Variants in NARS2 observed in about 807,000 individuals in gnomAD.
NARS2 encodes the protein asparaginyl-tRNA synthetase 2, mitochondrial.
In NARS2, 60 loss-of-function variants were observed where a neutral mutation model predicts 62.9. The ratio of observed to expected loss-of-function variants is 0.95; its 90% CI spans 0.77 to 1.18. The LOEUF (loss-of-function observed/expected upper bound fraction) is 1.18, where lower values mean the gene tolerates loss of function less well. NARS2 is among the 50% of genes most tolerant of loss of function. The pLI, the probability that NARS2 is intolerant of heterozygous loss-of-function variation, is 0.00. For missense variants in NARS2, 619 were observed against 576.4 expected, an observed-to-expected ratio of 1.07 and a Z score of -0.76; for synonymous variants, 196 against 200.0, an observed-to-expected ratio of 0.98 and a Z score of 0.17.
intron 6 of NARS2, among the ~76,000 whole-genome samples, chr11:78,522,454 T>A (rs1861165891): frequency 6.6e-6 from 1 of 152,226 alleles, no homozygotes; most frequent in African/African-American, 2.4e-5. Flanking sequence ...GATTTCATTA[T>A]GTAATAATTT....
At chr11:78,486,485 T>C (rs1359898869) in intron 7 of NARS2, among the ~76,000 whole-genome samples, 1 of 152,208 alleles carries the variant, frequency 6.6e-6, no homozygotes, top group African/African-American at 2.4e-5. Flanking sequence ...TTCCAGACTA[T>C]GAGTAGCACA....
At chr11:78,454,023 A>G (rs1343661094) in intron 11 of NARS2, among the ~76,000 whole-genome samples, 1 of 152,164 alleles carries the variant, frequency 6.6e-6, no homozygotes, top group South Asian at 2.1e-4. Context: ...GTTTTACCAC[A>G]TTGCTTCCTT....
chr11:78,436,958 C>G, intron 13 of NARS2, 144 bp from the exon 14 acceptor site: 1 of 767,942 alleles, frequency 1.3e-6, no homozygotes, highest in Non-Finnish European at 2.1e-6. Context: ...CCTCCACAGA[C>G]AGACAATGGA....
intron 5 of NARS2, among the ~76,000 whole-genome samples, chr11:78,545,131 TC>T (rs1855810880): frequency 2.6e-5 from 4 of 152,222 alleles, no homozygotes; most frequent in African/African-American, 9.6e-5. Context: ...ATATTACTTT[TC>T]TTTCTTTTTT....
chr11:78,556,603 G>A (rs537547449), intron 5 of NARS2, among the ~76,000 whole-genome samples: 1 of 152,262 alleles, frequency 6.6e-6, no homozygotes, highest in African/African-American at 2.4e-5. Context: ...GCTTTCCTCA[G>A]CCTTTTTCCA....
intron 6 of NARS2, among the ~76,000 whole-genome samples, chr11:78,506,920 GT>G (rs1257382422): frequency 1.3e-5 from 2 of 152,216 alleles, no homozygotes; most frequent in Non-Finnish European, 2.9e-5. Context: ...ATTGTAGTTA[GT>G]TTTGGTCAAT....
rs142593807 is a variant in NARS2 at position 78,559,616 on chromosome 11, T to C, written c.517A>G (p.Ser173Gly). 1.8e-5 allele frequency: 29 copies of C among 1,608,878 alleles called. No individual in the cohort carries two copies. Among genetic ancestry groups the C allele is most frequent in the Non-Finnish European group, 2.4e-5 (28 of 1,175,924 alleles). ...GGAGTATGAATATGTACAAAGCCACTGTCCTGAAAAAGAAAACCACTGTTT... is the reference window on the plus strand; with the variant it reads ...GGAGTATGAATATGTACAAAGCCACCGTCCTGAAAAAGAAAACCACTGTTT... ...TAAIHSFFKD[S>G]GFVHIHTPII... Residue 173 changes from serine (S) to glycine (G), a missense_variant, in exon 5 of 14, where the codon AGT becomes GGT. By Grantham distance (56) the Ser-to-Gly change is moderately conservative. Coordinates refer to ENST00000281038, the MANE Select transcript of NARS2 (RefSeq NM_024678.6).
intron 9 of NARS2, among the ~76,000 whole-genome samples, chr11:78,477,466 CCT>C (rs1859150189): frequency 6.6e-6 from 1 of 152,144 alleles, no homozygotes; most frequent in Non-Finnish European, 1.5e-5. Flanking sequence ...ACCCTTAACT[CCT>C]CTCTCTCACC....
At chr11:78,544,905 G>C (rs371342883) in intron 5 of NARS2, among the ~76,000 whole-genome samples, 1 of 152,106 alleles carries the variant, frequency 6.6e-6, no homozygotes, top group East Asian at 1.9e-4. Context: ...GCTTGAACAC[G>C]GGAGGCAGAG....
At chr11:78,474,904 T>G (rs1043716019) in intron 9 of NARS2, among the ~76,000 whole-genome samples, 1 of 151,106 alleles carries the variant, frequency 6.6e-6, no homozygotes, top group Non-Finnish European at 1.5e-5. Flanking sequence ...TCGTCTCACA[T>G]GCTTCACTTT....
chr11:78,573,177 A>C (rs1207258637), intron 1 of NARS2: 1 of 152,244 alleles, frequency 6.6e-6, no homozygotes, highest in Admixed American at 6.5e-5. Flanking sequence ...AAATCACTGC[A>C]ACGGCAAGCC....
rs577152274 is a variant in NARS2 at position 78,472,401 on chromosome 11, C to T, written c.960-3088G>A. ...AGCTGTTAAGAGTAAAATTGCTCAACTACAAAGATAATTATTGTCATCCTT... is the reference window on the plus strand; with the variant it reads ...AGCTGTTAAGAGTAAAATTGCTCAATTACAAAGATAATTATTGTCATCCTT... On this transcript the variant is annotated intron_variant, in intron 9 of 13. Transcript: ENST00000281038. Among the ~76,000 whole-genome samples the T allele has an allele frequency of 3.3e-5, 5 of 152,184 alleles. No homozygotes were observed. In the East Asian group the frequency reaches 9.7e-4, roughly 29 times the overall value.
chr11:78,574,387 G>A lies in NARS2; in HGVS notation c.102C>T (p.Leu34=), dbSNP rs775020704. ...GCTCCCCACTCGCGTTCTGAGCCCC[G>A]AGAGCGTCCCGCACGCTCAGTTTGG... ...PSAKLSVRDA[L]GAQNASGERI... is the part of the protein sequence containing the mutation. The change falls in exon 1 of 14, where the codon CTC becomes CTT. Residue 34 remains leucine, a synonymous_variant. Coordinates refer to ENST00000281038, the MANE Select transcript of NARS2 (RefSeq NM_024678.6). 18 of 1,614,062 alleles carry A rather than the reference G, an allele frequency of 1.1e-5. No individual in the cohort carries two copies. The highest frequency in any genetic ancestry group is 1.6e-4 in the Middle Eastern group (1 of 6,084).
At chr11:78,470,645 A>C (rs1039988423) in intron 9 of NARS2, among the ~76,000 whole-genome samples, 6 of 152,298 alleles carry the variant, frequency 3.9e-5, no homozygotes, top group Non-Finnish European at 8.8e-5. Flanking sequence ...TTCACGTTCT[A>C]ATCTTTTGCT....
chr11:78,511,704 G>A (rs542205313), intron 6 of NARS2, among the ~76,000 whole-genome samples: 8 of 145,580 alleles, frequency 5.5e-5, no homozygotes, highest in Non-Finnish European at 3.0e-5. Context: ...GTGACAGAGC[G>A]AGACTCCGTC....
chr11:78,508,901 G>A (rs1415105249), intron 6 of NARS2, among the ~76,000 whole-genome samples: 1 of 152,022 alleles, frequency 6.6e-6, no homozygotes, highest in East Asian at 1.9e-4. Flanking sequence ...GATCACTTGA[G>A]GCACGGAGTT....
In NARS2 at chr11:78,441,126, AG is replaced by A. The variant is rs1317495326; in HGVS notation, c.1263-10del. 9 of 1,608,512 alleles carry A rather than the reference AG, an allele frequency of 5.6e-6. No individual in the cohort carries two copies. In the African/African-American group the frequency reaches 6.7e-5, roughly 12 times the overall value. ...CTTCTGTAAGTCCCGATCTGTTTAAAGGAAAATAAAATTCTTTCAGGGAACG... is the reference window on the plus strand; with the variant it reads ...CTTCTGTAAGTCCCGATCTGTTTAAAGAAAATAAAATTCTTTCAGGGAACG... On this transcript the variant is annotated splice_polypyrimidine_tract_variant and intron_variant, in intron 12 of 13. Coordinates refer to ENST00000281038, the MANE Select transcript of NARS2 (RefSeq NM_024678.6).
At chr11:78,538,778 G>A (rs57187965) in intron 5 of NARS2, among the ~76,000 whole-genome samples, 3,986 of 151,508 alleles carry the variant, frequency 0.026, 97 homozygotes, top group African/African-American at 0.068. Flanking sequence ...GGCGGATCAC[G>A]AGGTCAGGAG....
chr11:78,478,574 A>G lies in NARS2; in HGVS notation c.921+11T>C. ...GTAGATGTATTGGGCTTTATCCATA[A>G]AACTAATTACCTTTTGGCCAGGTGC... On this transcript the variant is annotated intron_variant, in intron 8 of 13. Transcript: ENST00000281038. The G allele has an allele frequency of 1.3e-6, 2 of 1,572,068 alleles. No homozygotes were observed. The highest frequency in any genetic ancestry group is 1.7e-6 in the Non-Finnish European group (2 of 1,144,336).
Sources: allele counts gnomAD v4.1 joint callset (sites outside exome capture counted in the v4.1 genomes callset), GRCh38; gene constraint gnomAD v4.1.1; transcripts MANE v1.5; gene names NCBI Gene and HGNC (gene_info 2026-07-23, HGNC 2026-07-21).